STX8: variants seen among roughly 807,000 people sequenced by gnomAD.
STX8 encodes the protein syntaxin-8.
Under a neutral mutation model 37.5 loss-of-function variants are expected in STX8, and 23 were observed. The observed-to-expected ratio is 0.61, with a 90% CI of 0.44 to 0.87. The LOEUF (loss-of-function observed/expected upper bound fraction) is 0.87, where lower values mean the gene tolerates loss of function less well. Ranked by LOEUF, STX8 falls within the 40% of genes least tolerant of loss-of-function variation. The probability of loss-of-function intolerance (pLI) is 0.00; values close to 1 mark genes in which losing one functional copy is unlikely to be tolerated. For missense variants in STX8, 313 were observed against 284.7 expected (o/e 1.10, Z -0.71); for synonymous variants, 115 against 99.1 (o/e 1.16, Z -0.95).
At chr17:9,273,311 T>G (rs960376290) in intron 7 of STX8, 1 of 152,262 alleles carries the variant, frequency 6.6e-6, no homozygotes, top group African/African-American at 2.4e-5. Context: ...TTCTCCTTTT[T>G]GGGTCCAAAA....
At chr17:9,494,911 A>G (rs1291044470) in intron 5 of STX8, among the ~76,000 whole-genome samples, 7 of 152,126 alleles carry the variant, frequency 4.6e-5, no homozygotes, top group Non-Finnish European at 1.0e-4. Context: ...ACTCTTGTTC[A>G]CCACGGAACA....
chr17:9,351,050 C>A (rs1185953014), intron 7 of STX8, among the ~76,000 whole-genome samples: 1 of 151,170 alleles, frequency 6.6e-6, no homozygotes, highest in Non-Finnish European at 1.5e-5. Context: ...AAGATTTCAA[C>A]CTGACAGAAA....
chr17:9,384,433 T>C (rs907980832), intron 6 of STX8, among the ~76,000 whole-genome samples: 1 of 152,054 alleles, frequency 6.6e-6, no homozygotes, highest in African/African-American at 2.4e-5. Context: ...GGTCAGGAGA[T>C]TGAGACCATC....
Position 9,304,386 on chromosome 17 carries a change from C to A in STX8, c.644-53741G>T, listed in dbSNP as rs567136623. On this transcript the variant is annotated intron_variant, in intron 7 of 7. Transcript: ENST00000306357. ...AAATTAATACAAATAATTAGTCTGG[C>A]GTGGTGGCGCATGCCTGTAATCCCA... 3.7e-4 allele frequency among the ~76,000 whole-genome samples: 56 copies of A among 150,990 alleles called. 1 individual carries two copies. The highest frequency in any genetic ancestry group is 1.2e-3 in the Admixed American group (18 of 15,110).
chr17:9,303,918 A>G (rs897250358), intron 7 of STX8, among the ~76,000 whole-genome samples: 8 of 152,324 alleles, frequency 5.3e-5, no homozygotes, highest in Admixed American at 3.3e-4. Context: ...TCTGGACGTC[A>G]TAAAAGAACA....
chr17:9,513,083 G>A (rs1477163713), intron 4 of STX8, among the ~76,000 whole-genome samples: 2 of 152,112 alleles, frequency 1.3e-5, no homozygotes, highest in Non-Finnish European at 2.9e-5. Context: ...TCAATAGAGT[G>A]AAAAGACAAT....
chr17:9,264,447 T>C (rs1343374158), intron 7 of STX8, among the ~76,000 whole-genome samples: 1 of 152,146 alleles, frequency 6.6e-6, no homozygotes, highest in African/African-American at 2.4e-5. Context: ...TGGGACCACA[T>C]GTGCATGCCA....
intron 6 of STX8, among the ~76,000 whole-genome samples, chr17:9,414,089 T>TCAA (rs1913083017): frequency 1.4e-4 from 2 of 14,454 alleles, no homozygotes; most frequent in Middle Eastern, 0.038. Flanking sequence ...TGTCCATCCA[T>TCAA]CCATCCATCC....
chr17:9,494,222 A>C (rs1024593975), intron 5 of STX8, among the ~76,000 whole-genome samples: 28 of 151,696 alleles, frequency 1.8e-4, no homozygotes, highest in African/African-American at 6.5e-4. Context: ...TCACCGTGTT[A>C]GCCAGGATGG....
chr17:9,312,335 G>A (rs944693215), intron 7 of STX8, among the ~76,000 whole-genome samples: 5 of 152,036 alleles, frequency 3.3e-5, no homozygotes, highest in Non-Finnish European at 7.4e-5. Flanking sequence ...CTGAGTAGCT[G>A]GGATTACAGG....
At chr17:9,456,896 T>C (rs200101099) in intron 6 of STX8, among the ~76,000 whole-genome samples, 5 of 152,190 alleles carry the variant, frequency 3.3e-5, no homozygotes, top group Non-Finnish European at 7.3e-5. Context: ...GGGGTTTTTT[T>C]CTCCTGCATT....
intron 3 of STX8, among the ~76,000 whole-genome samples, chr17:9,546,676 C>A (rs1450265160): frequency 7.0e-6 from 1 of 143,338 alleles, no homozygotes; most frequent in African/African-American, 2.6e-5. Context: ...CGGCTCACTG[C>A]AACCTCCGCC....
At chr17:9,406,022 G>C (rs1343256759) in intron 6 of STX8, among the ~76,000 whole-genome samples, 1 of 152,142 alleles carries the variant, frequency 6.6e-6, no homozygotes, top group African/African-American at 2.4e-5. Context: ...TTTTCAATAT[G>C]AGATTAAAAG....
At chr17:9,480,458 A>G (rs1417038682) in intron 6 of STX8, among the ~76,000 whole-genome samples, 1 of 152,200 alleles carries the variant, frequency 6.6e-6, no homozygotes, top group African/African-American at 2.4e-5. Flanking sequence ...GATGTGTACA[A>G]ATGTGGACAG....
At position 9,394,719 on chromosome 17, in the gene STX8, T is replaced by C. The variant is rs557561027; in HGVS notation, c.542-16066A>G. On this transcript the variant is annotated intron_variant, in intron 6 of 7. Transcript: ENST00000306357. ...AACAACTGCCAATATTTAGTAAAAA[T>C]TGCCAGATGCTAAGCCATTGTTTCT... Among the ~76,000 whole-genome samples the C allele has an allele frequency of 5.3e-5, 8 of 151,552 alleles. 1 individual carries two copies. The South Asian group carries it at 1.5e-3, about 28-fold the overall frequency.
chr17:9,394,850 G>T (rs866309744), intron 6 of STX8, among the ~76,000 whole-genome samples: 1 of 150,078 alleles, frequency 6.7e-6, no homozygotes, highest in South Asian at 2.1e-4. Context: ...GGTGAATCAC[G>T]AGGTCAGGAG....
chr17:9,278,136 T>C (rs1907738992), intron 7 of STX8, among the ~76,000 whole-genome samples: 1 of 151,816 alleles, frequency 6.6e-6, no homozygotes, highest in Non-Finnish European at 1.5e-5. Context: ...GTGGTGGCAG[T>C]GGAGACAGAG....
chr17:9,261,924 A>G (rs1473354751), intron 7 of STX8, among the ~76,000 whole-genome samples: 1 of 152,196 alleles, frequency 6.6e-6, no homozygotes, highest in Non-Finnish European at 1.5e-5. Context: ...TGTTTTGACA[A>G]TTCCCTCTTG....
At chr17:9,527,847 C>A (rs984630416) in intron 4 of STX8, among the ~76,000 whole-genome samples, 1 of 152,168 alleles carries the variant, frequency 6.6e-6, no homozygotes, top group African/African-American at 2.4e-5. Context: ...AACACTCATA[C>A]CTTTTGTCCC....
Sources: allele counts gnomAD v4.1 joint callset (sites outside exome capture counted in the v4.1 genomes callset), GRCh38; gene constraint gnomAD v4.1.1; transcripts MANE v1.5; gene names NCBI Gene and HGNC (gene_info 2026-07-23, HGNC 2026-07-21).